Variants in ENPP6 observed in about 807,000 individuals in gnomAD.
ENPP6 encodes glycerophosphocholine cholinephosphodiesterase ENPP6.
Under a neutral mutation model 42.0 loss-of-function variants are expected in ENPP6, and 32 were observed. The observed-to-expected ratio is 0.76, with a 90% confidence interval of 0.58 to 1.02. ENPP6 has a LOEUF of 1.02. Among genes scored for constraint, ENPP6 ranks in the 50% least tolerant of loss-of-function variants. ENPP6 has a pLI of 0.00. For missense variants in ENPP6, 552 were observed against 566.8 expected (o/e 0.97, Z 0.27); for synonymous variants, 213 against 216.0 (o/e 0.99, Z 0.12).
At chr4:184,137,793 TC>T (rs757628213) in intron 2 of ENPP6, among the ~76,000 whole-genome samples, 2 of 152,216 alleles carry the variant, frequency 1.3e-5, no homozygotes, top group Non-Finnish European at 2.9e-5. Flanking sequence ...TTTTGTCCTT[TC>T]CCCTAACCAA....
intron 1 of ENPP6, among the ~76,000 whole-genome samples, chr4:184,186,674 C>G (rs1346477772): frequency 6.6e-6 from 1 of 152,128 alleles, no homozygotes; most frequent in African/African-American, 2.4e-5. Context: ...GCCATTGGGT[C>G]TGGCCATTAG....
intron 1 of ENPP6, among the ~76,000 whole-genome samples, chr4:184,174,999 AG>A (rs2111095728): frequency 6.6e-6 from 1 of 152,352 alleles, no homozygotes; most frequent in South Asian, 2.1e-4. Flanking sequence ...CTCACACAAA[AG>A]CATCAGTGAG....
chr4:184,198,819 C>T (rs1732844325), intron 1 of ENPP6, among the ~76,000 whole-genome samples: 2 of 152,204 alleles, frequency 1.3e-5, no homozygotes, highest in Non-Finnish European at 2.9e-5. Context: ...TGTTCAAAAA[C>T]ATAGGCAACA....
intron 1 of ENPP6, among the ~76,000 whole-genome samples, chr4:184,212,659 C>T (rs1410074990): frequency 1.3e-5 from 2 of 151,718 alleles, no homozygotes; most frequent in African/African-American, 2.4e-5. Context: ...AATGGCCATA[C>T]TGCCCAAGGT....
At chr4:184,207,694 A>G (rs1209113245) in intron 1 of ENPP6, among the ~76,000 whole-genome samples, 1 of 152,154 alleles carries the variant, frequency 6.6e-6, no homozygotes, top group Non-Finnish European at 1.5e-5. Flanking sequence ...CACTACTCCA[A>G]CTGGAAGGAA....
rs551218991 is a variant in ENPP6, at chr4:184,140,984, C to A, written c.421+12570G>T. Among the ~76,000 whole-genome samples the A allele has an allele frequency of 6.1e-4, 81 of 133,144 alleles. 1 individual carries two copies. Among genetic ancestry groups the A allele is most frequent in the African/African-American group, 2.2e-3 (77 of 35,450 alleles). The allele number at this position is 133,144 out of a possible 152,430, so 87.3% of individuals were successfully genotyped here. A position where few individuals can be genotyped will look rare whatever the true frequency, so the allele number is the denominator to read the frequency against. On this transcript the variant is annotated intron_variant, in intron 2 of 7. Transcript: ENST00000296741. Reference sequence around the variant, plus strand: ...CAAAATGGGAGAAAATTTTCGCAACCTACTCATCTGACAAAGGGCTAATAT... The same window carrying A: ...CAAAATGGGAGAAAATTTTCGCAACATACTCATCTGACAAAGGGCTAATAT...
chr4:184,193,354 T>G (rs1247810405), intron 1 of ENPP6, among the ~76,000 whole-genome samples: 3 of 151,910 alleles, frequency 2.0e-5, no homozygotes, highest in African/African-American at 4.8e-5. Flanking sequence ...ATCATTAGAG[T>G]TACTGAATGA....
intron 2 of ENPP6, among the ~76,000 whole-genome samples, chr4:184,143,827 ATCT>A (rs928391985): frequency 2.6e-5 from 4 of 152,222 alleles, no homozygotes; most frequent in Admixed American, 2.0e-4. Flanking sequence ...TTAAAAAAAC[ATCT>A]TCTGCCCTGA....
rs772282856 is a variant in ENPP6, at chr4:184,217,727, C to A, written c.93G>T (p.Leu31=). The A allele has an allele frequency of 3.5e-5, 57 of 1,614,076 alleles. No homozygotes were observed. The South Asian group carries it at 6.1e-4, about 17-fold the overall frequency. ...SARRKLLVFL[L]DGFRSDYISD... ...TGATGTAGTCTGAGCGAAAACCATC[C>A]AGCAGAAACACCAGCAGCTTCCGGC... Residue 31 remains leucine (L), a synonymous_variant, in exon 1 of 8, where the codon CTG becomes CTT. Coordinates refer to ENST00000296741, the MANE Select transcript of ENPP6 (RefSeq NM_153343.4).
intron 1 of ENPP6, among the ~76,000 whole-genome samples, chr4:184,194,848 T>G (rs562996809): frequency 6.6e-6 from 1 of 152,108 alleles, no homozygotes; most frequent in South Asian, 2.1e-4. Context: ...CACATGGGCG[T>G]TTGGTGGGAA....
At chr4:184,216,055 T>C (rs1440707116) in intron 1 of ENPP6, among the ~76,000 whole-genome samples, 1 of 152,194 alleles carries the variant, frequency 6.6e-6, no homozygotes, top group Non-Finnish European at 1.5e-5. Context: ...TCCACTAAGA[T>C]TGCAGAAGCT....
chr4:184,158,016 AT>A, intron 1 of ENPP6, among the ~76,000 whole-genome samples: 1 of 152,238 alleles, frequency 6.6e-6, no homozygotes, highest in African/African-American at 2.4e-5. Flanking sequence ...GTCAATGTCA[AT>A]TCCTTTTATA....
chr4:184,154,346 A>G (rs1737117203), intron 1 of ENPP6, among the ~76,000 whole-genome samples: 1 of 152,354 alleles, frequency 6.6e-6, no homozygotes, highest in Middle Eastern at 3.4e-3. Flanking sequence ...GTCCCAGAAG[A>G]CAAGCCAGAA....
chr4:184,202,738 G>A (rs1732925095), intron 1 of ENPP6, among the ~76,000 whole-genome samples: 1 of 152,132 alleles, frequency 6.6e-6, no homozygotes, highest in Non-Finnish European at 1.5e-5. Context: ...ATTCCTCAAG[G>A]CCACGCACAT....
intron 1 of ENPP6, among the ~76,000 whole-genome samples, chr4:184,168,722 A>T (rs1047756049): frequency 1.3e-5 from 2 of 152,090 alleles, no homozygotes; most frequent in East Asian, 3.9e-4. Flanking sequence ...CACCCCCAGG[A>T]TTCGCAGGAA....
At position 184,217,650 on chromosome 4, in the gene ENPP6, C is replaced by G. The variant is rs370111167; in HGVS notation, c.170G>C (p.Gly57Ala). The change falls in exon 1 of 8, where the codon GGA becomes GCA. Residue 57 changes from glycine to alanine, a missense_variant. Around this residue, in one of 2 missense-constraint regions of ENPP6, gnomAD observed 545 missense variants for 546.3 expected, o/e 1.00. Coordinates refer to ENST00000296741, the MANE Select transcript of ENPP6 (RefSeq NM_153343.4). ...LPGFKEIVSR[G>A]VKVDYLTPDF... The stretch of plus-strand genomic sequence containing the variant: ...TGGAGTCAAGTAATCCACTTTTACT[C>G]CCCTGCTCACAATCTCTTTGAAACC... 3 of 1,614,108 alleles carry G rather than the reference C, an allele frequency of 1.9e-6. No individual in the cohort carries two copies. Among genetic ancestry groups the G allele is most frequent in the Non-Finnish European group, 2.5e-6 (3 of 1,180,052 alleles).
chr4:184,127,837 G>A (rs1391413839), intron 2 of ENPP6, among the ~76,000 whole-genome samples: 1 of 152,154 alleles, frequency 6.6e-6, no homozygotes, highest in Non-Finnish European at 1.5e-5. Flanking sequence ...GGAAGAATAA[G>A]GTGTATACTT....
At chr4:184,196,966 G>T (rs1256302230) in intron 1 of ENPP6, among the ~76,000 whole-genome samples, 2 of 152,222 alleles carry the variant, frequency 1.3e-5, no homozygotes, top group Non-Finnish European at 2.9e-5. Context: ...CAAAAGAACA[G>T]GCAAACAGGT....
chr4:184,165,800 C>T (rs1312936838), intron 1 of ENPP6, among the ~76,000 whole-genome samples: 1 of 152,162 alleles, frequency 6.6e-6, no homozygotes, highest in Non-Finnish European at 1.5e-5. Flanking sequence ...TGAACGTACA[C>T]ATACTATCTC....
Sources: allele counts gnomAD v4.1 joint callset (sites outside exome capture counted in the v4.1 genomes callset), GRCh38; gene constraint gnomAD v4.1.1; regional missense constraint gnomAD v4.1.1; transcripts MANE v1.5; gene names NCBI Gene and HGNC (gene_info 2026-07-23, HGNC 2026-07-21).